The following TNS1 variants were observed in gnomAD, a reference collection of about 807,000 sequenced individuals.
TNS1 encodes tensin-1.
TNS1 carries 62 observed loss-of-function variants against 168.6 expected under a neutral mutation model. That is an observed-to-expected ratio of 0.37 (90% CI 0.30 to 0.45). TNS1 has a LOEUF of 0.45. Among genes scored for constraint, TNS1 ranks in the 20% least tolerant of loss-of-function variants. TNS1 has a pLI of 1.00. For synonymous variants in TNS1, 934 were observed against 933.2 expected (o/e 1.00, Z -0.02); for missense variants, 2,240 against 2,339.4 (o/e 0.96, Z 0.88).
At chr2:217,865,410 G>A (rs1449433266) in intron 18 of TNS1, among the ~76,000 whole-genome samples, 1 of 152,196 alleles carries the variant, frequency 6.6e-6, no homozygotes, top group African/African-American at 2.4e-5. Context: ...GCGCCCATCT[G>A]CTTCTCGAAG....
intron 22 of TNS1, among the ~76,000 whole-genome samples, chr2:217,826,280 T>C (rs1943602743): frequency 6.6e-6 from 1 of 152,188 alleles, no homozygotes; most frequent in South Asian, 2.1e-4. Flanking sequence ...TTAAAACCCA[T>C]CTTCAGGGCT....
Position 217,847,899 on chromosome 2 carries a change from G to T in TNS1, c.2618C>A (p.Pro873His). The T allele has an allele frequency of 6.5e-7, 1 of 1,544,698 alleles. No homozygotes were observed. The highest frequency in any genetic ancestry group is 1.2e-5 in the South Asian group (1 of 80,512). The change falls in exon 19 of 33, where the codon CCC becomes CAC. Residue 873 changes from proline (P) to histidine (H), a missense_variant. Around this residue, in one of 2 missense-constraint regions of TNS1, gnomAD observed 2,131 missense variants for 2,171.2 expected, o/e 0.98. Coordinates refer to ENST00000682258, the MANE Select transcript of TNS1 (RefSeq NM_001387777.1). The part of the protein sequence containing the change: ...WPGASPLSSQ[P>H]LSGSSRQSHP... ...GGACTGACGGGAGGATCCAGAGAGG[G>T]GCTGGGAGGAGAGTGGAGAAGCCCC...
chr2:217,806,687 C>T (rs1939170304), intron 32 of TNS1, among the ~76,000 whole-genome samples: 1 of 152,212 alleles, frequency 6.6e-6, no homozygotes, highest in Non-Finnish European at 1.5e-5. Context: ...ACCCCACCAT[C>T]CCACATGGCC....
chr2:217,997,125 T>C (rs1958484592), intron 1 of TNS1, among the ~76,000 whole-genome samples: 1 of 151,850 alleles, frequency 6.6e-6, no homozygotes, highest in Non-Finnish European at 1.5e-5. Flanking sequence ...TCAGCAGGGG[T>C]CTTCCCAGAT....
intron 1 of TNS1, among the ~76,000 whole-genome samples, chr2:218,024,124 G>A (rs1958832780): frequency 6.6e-6 from 1 of 152,184 alleles, no homozygotes; most frequent in African/African-American, 2.4e-5. Context: ...GAAGATCGGA[G>A]TCACTAAGCA....
chr2:217,855,227 C>T (rs1281074052), intron 18 of TNS1, among the ~76,000 whole-genome samples: 1 of 152,166 alleles, frequency 6.6e-6, no homozygotes, highest in Non-Finnish European at 1.5e-5. Flanking sequence ...ATACCCAGAA[C>T]ACCCTCCACT....
Position 217,818,385 on chromosome 2 carries a change from A to C in TNS1, c.3947T>G (p.Leu1316Trp). 6.2e-7 allele frequency: 1 copy of C among 1,614,200 alleles called. No homozygotes were observed. The highest frequency in any genetic ancestry group is 8.5e-7 in the Non-Finnish European group (1 of 1,180,040). The change falls in exon 24 of 33, where the codon TTG (leucine) becomes TGG (tryptophan). Residue 1316 changes from leucine to tryptophan, a missense_variant. By Grantham distance (61) the Leu-to-Trp change is moderately conservative (BLOSUM62 -2). This residue lies in a region of TNS1 where 2,131 missense variants were observed against 2,171.2 expected (regional missense o/e 0.98). Transcript: ENST00000682258. Reference protein sequence around the residue: ...PSMAAPSSPSLSHHQMMGPPG... With the variant: ...PSMAAPSSPSWSHHQMMGPPG... ...TGGACCCATCATCTGGTGATGGCTC[A>C]AACTGGGACTGCTGGGGGCAGCCAT...
chr2:217,813,334 TC>T lies in TNS1; in HGVS notation c.4862-28del. Reference sequence around the variant, plus strand: ...TGGGACAAAGAGAAAGAAATAAGGCTCAGTCCCTGCCCATGGCTTCCTCCCA... The same window carrying T: ...TGGGACAAAGAGAAAGAAATAAGGCTAGTCCCTGCCCATGGCTTCCTCCCA... On this transcript the variant is annotated intron_variant, in intron 26 of 32. Coordinates refer to ENST00000682258, the MANE Select transcript of TNS1 (RefSeq NM_001387777.1). The surrounding 1 kb of genome is among the most constrained non-coding windows in gnomAD (Gnocchi z 4.0). 6.5e-7 allele frequency: 1 copy of T among 1,527,958 alleles called. No individual in the cohort carries two copies. Among genetic ancestry groups the T allele is most frequent in the South Asian group, 1.2e-5 (1 of 84,168 alleles). 94.7% of individuals were successfully genotyped at this position (1,527,958 alleles called of 1,614,324 possible).
Position 217,829,231 on chromosome 2 carries a change from A to T in TNS1, c.3373+2224T>A, listed in dbSNP as rs1012275849. 2.3e-3 allele frequency among the ~76,000 whole-genome samples: 351 copies of T among 152,130 alleles called. 5 individuals carry two copies. Among genetic ancestry groups the T allele is most frequent in the African/African-American group, 7.9e-3 (329 of 41,512 alleles). On this transcript the variant is annotated intron_variant, in intron 22 of 32. Coordinates refer to ENST00000682258, the MANE Select transcript of TNS1 (RefSeq NM_001387777.1). Reference sequence around the variant, plus strand: ...TCTCTACTAAAAATACAAAAAAAAAAAAAAATTGCTGGGCGTGGTGGTGCA... The same window carrying T: ...TCTCTACTAAAAATACAAAAAAAAATAAAAATTGCTGGGCGTGGTGGTGCA...
At chr2:217,890,645 C>T (rs1951649710) in intron 12 of TNS1, 1 of 398,802 alleles carries the variant, frequency 2.5e-6, no homozygotes, top group African/African-American at 2.0e-5. Context: ...GCTTCCAGGG[C>T]CAAGAACAGC....
rs753938567 is a variant in TNS1 at position 217,848,429 on chromosome 2, A to C, written c.2088T>G (p.His696Gln). 115 of 1,607,980 alleles carry C rather than the reference A, an allele frequency of 7.2e-5. No individual in the cohort carries two copies. The highest frequency in any genetic ancestry group is 9.2e-5 in the Non-Finnish European group (108 of 1,176,314). ...GCCGCATGGGGGCCGTGTGGCCAGC[A>C]TGGGCAGGCCCCGCCCGGCTGGCAG... Reference protein sequence around the residue: ...YESASRAGPAHAGHTAPMRPS... With the variant: ...YESASRAGPAQAGHTAPMRPS... Residue 696 changes from histidine to glutamine, a missense_variant, in exon 19 of 33, where the codon CAT becomes CAG. By Grantham distance (24) the His-to-Gln change is conservative (BLOSUM62 0). Coordinates refer to ENST00000682258, the MANE Select transcript of TNS1 (RefSeq NM_001387777.1).
intron 32 of TNS1, among the ~76,000 whole-genome samples, chr2:217,807,427 T>C (rs1939359480): frequency 6.6e-6 from 1 of 152,226 alleles, no homozygotes; most frequent in South Asian, 2.1e-4. Context: ...TCAGGTACAA[T>C]CCAAGGATGC....
At chr2:217,953,993 T>C (rs548559744) in intron 3 of TNS1, among the ~76,000 whole-genome samples, 70 of 152,178 alleles carry the variant, frequency 4.6e-4, no homozygotes, top group Non-Finnish European at 8.5e-4. Flanking sequence ...ACCAGAAGAC[T>C]CAGGAGAGCA....
chr2:217,829,136 G>T (rs1344773921), intron 22 of TNS1, among the ~76,000 whole-genome samples: 1 of 152,114 alleles, frequency 6.6e-6, no homozygotes, highest in South Asian at 2.1e-4. Context: ...AGCACTTTGG[G>T]AGGCCAAGGT....
chr2:217,848,016 A>G lies in TNS1; in HGVS notation c.2501T>C (p.Ile834Thr), dbSNP rs1946907141. 1 of 1,518,138 alleles carries G rather than the reference A, an allele frequency of 6.6e-7. No individual in the cohort carries two copies. Among genetic ancestry groups the G allele is most frequent in the South Asian group, 1.3e-5 (1 of 75,444 alleles). The allele number at this position is 1,518,138 out of a possible 1,614,324, so 94.0% of individuals were successfully genotyped here. A position where few individuals can be genotyped will look rare whatever the true frequency, so the allele number is the denominator to read the frequency against. Residue 834 changes from isoleucine to threonine, a missense_variant, in exon 19 of 33, where the codon ATC becomes ACC. This residue lies in a region of TNS1 where 2,131 missense variants were observed against 2,171.2 expected (regional missense o/e 0.98). Coordinates refer to ENST00000682258, the MANE Select transcript of TNS1 (RefSeq NM_001387777.1). Reference protein sequence around the residue: ...AASQQEIEQSIETLNMLMLDL... With the variant: ...AASQQEIEQSTETLNMLMLDL... Reference sequence around the variant, plus strand: ...CAGCATCAGCATATTGAGTGTTTCGATGGACTGTTCAATCTCCTGCTGGGA... The same window carrying G: ...CAGCATCAGCATATTGAGTGTTTCGGTGGACTGTTCAATCTCCTGCTGGGA...
intron 4 of TNS1, among the ~76,000 whole-genome samples, chr2:217,909,625 A>T (rs1305324958): frequency 6.6e-6 from 1 of 151,480 alleles, no homozygotes; most frequent in Non-Finnish European, 1.5e-5. Flanking sequence ...GGTGGGACTT[A>T]AGGACGTGCA....
chr2:217,931,007 C>T (rs1241743590), intron 3 of TNS1, among the ~76,000 whole-genome samples: 3 of 152,040 alleles, frequency 2.0e-5, no homozygotes, highest in Admixed American at 6.5e-5. Flanking sequence ...AGGTGACAGG[C>T]GTGGGGAGCG....
chr2:217,990,868 A>T, intron 2 of TNS1, 74 bp downstream of exon 2: 1 of 476,720 alleles, frequency 2.1e-6, no homozygotes. Context: ...GCAGAGTCCC[A>T]GCCTGGCCCA....
intron 22 of TNS1, 101 bp from the exon 23 acceptor site, chr2:217,822,039 C>G: frequency 1.6e-6 from 2 of 1,271,088 alleles, no homozygotes; most frequent in Non-Finnish European, 1.1e-6. Flanking sequence ...TGGACTCCTG[C>G]CTGGGAACAT....
Sources: gnomAD v4.1 joint callset for allele counts (sites outside exome capture counted in the v4.1 genomes callset) on GRCh38, gnomAD v4.1.1 for gene constraint, gnomAD v4.1.1 regional missense constraint, Gnocchi (gnomAD v3.1) non-coding constraint, MANE v1.5 for transcripts, NCBI Gene and HGNC (gene_info 2026-07-23, HGNC 2026-07-21) for gene names.